Variants in BICC1 observed in about 807,000 individuals in gnomAD.
BICC1 encodes BicC family RNA binding protein 1, also known as protein bicaudal C homolog 1.
BICC1 carries 43 observed loss-of-function variants against 111.0 expected under a neutral mutation model. The observed-to-expected ratio is 0.39, with a 90% CI of 0.30 to 0.50. BICC1 has a LOEUF of 0.50. Ranked by LOEUF, BICC1 falls within the 20% of genes least tolerant of loss-of-function variation. The pLI is 0.88. For synonymous variants in BICC1, 467 were observed against 434.4 expected (o/e 1.07, Z -0.93); for missense variants, 1,091 against 1,203.2 (o/e 0.91, Z 1.38).
chr10:58,668,403 A>G (rs1335896527), intron 2 of BICC1, among the ~76,000 whole-genome samples: 2 of 152,008 alleles, frequency 1.3e-5, no homozygotes, highest in Non-Finnish European at 2.9e-5. Flanking sequence ...TTTTTTCCAG[A>G]TGAATTCACA....
chr10:58,803,512 T>A (rs1843618189), intron 15 of BICC1, among the ~76,000 whole-genome samples: 1 of 152,188 alleles, frequency 6.6e-6, no homozygotes, highest in Non-Finnish European at 1.5e-5. Flanking sequence ...ACATTATTCA[T>A]GTGTTACTTA....
intron 3 of BICC1, among the ~76,000 whole-genome samples, chr10:58,748,500 C>A (rs1026190308): frequency 6.6e-6 from 1 of 151,974 alleles, no homozygotes; most frequent in Non-Finnish European, 1.5e-5. Context: ...TCAAACCAGT[C>A]ATTGTTTCTC....
chr10:58,564,660 G>C (rs1447193687), intron 1 of BICC1, among the ~76,000 whole-genome samples: 1 of 152,104 alleles, frequency 6.6e-6, no homozygotes, highest in East Asian at 1.9e-4. Context: ...GGAATCACTG[G>C]CCTTTCAATT....
chr10:58,757,318 C>T (rs1476154937), intron 3 of BICC1, among the ~76,000 whole-genome samples: 4 of 152,090 alleles, frequency 2.6e-5, no homozygotes, highest in Admixed American at 1.3e-4. Flanking sequence ...TCTATGAAAT[C>T]GTAACACATT....
At chr10:58,604,603 G>A (rs10740734) in intron 1 of BICC1, among the ~76,000 whole-genome samples, 70,989 of 151,978 alleles carry the variant, frequency 0.47, 17,563 homozygotes, top group Admixed American at 0.63. Flanking sequence ...AGAGCTTGCA[G>A]TGAGCTGAGA....
chr10:58,578,279 C>T (rs555648009), intron 1 of BICC1, among the ~76,000 whole-genome samples: 32 of 152,036 alleles, frequency 2.1e-4, no homozygotes, highest in East Asian at 5.8e-4. Context: ...AGAGTATTTC[C>T]GAGTTGTTAT....
chr10:58,706,391 T>G (rs1840388236), intron 3 of BICC1, among the ~76,000 whole-genome samples: 1 of 152,228 alleles, frequency 6.6e-6, no homozygotes, highest in African/African-American at 2.4e-5. Flanking sequence ...ACTGGTATAT[T>G]GTGCTGTGAG....
At chr10:58,748,649 C>T (rs916569781) in intron 3 of BICC1, among the ~76,000 whole-genome samples, 9 of 152,092 alleles carry the variant, frequency 5.9e-5, no homozygotes, top group South Asian at 2.1e-4. Flanking sequence ...TTAGTCTCTT[C>T]GGGCTGAGTG....
chr10:58,789,237 T>A (rs1313459709), intron 6 of BICC1, 25 bp from the exon 7 acceptor site: 5 of 1,596,422 alleles, frequency 3.1e-6, no homozygotes, highest in Non-Finnish European at 4.3e-6. Flanking sequence ...ACTCTCTGCT[T>A]TGGATTCTCA....
chr10:58,728,540 C>T (rs1471369407), intron 3 of BICC1, among the ~76,000 whole-genome samples: 1 of 152,132 alleles, frequency 6.6e-6, no homozygotes, highest in Non-Finnish European at 1.5e-5. Context: ...GAGTTGAAAT[C>T]AACTTCTTCC....
At chr10:58,592,588 G>A (rs528015629) in intron 1 of BICC1, among the ~76,000 whole-genome samples, 3 of 151,892 alleles carry the variant, frequency 2.0e-5, no homozygotes, top group Non-Finnish European at 2.9e-5. Context: ...GGTGGCGGGT[G>A]CCTGTAGTCC....
At chr10:58,816,033 A>G (rs1844076309) in intron 18 of BICC1, among the ~76,000 whole-genome samples, 1 of 152,238 alleles carries the variant, frequency 6.6e-6, no homozygotes, top group African/African-American at 2.4e-5. Context: ...ACCCTTGTCA[A>G]GGTCACCAAT....
intron 1 of BICC1, among the ~76,000 whole-genome samples, chr10:58,579,893 A>G (rs1474854403): frequency 6.6e-6 from 1 of 152,184 alleles, no homozygotes; most frequent in African/African-American, 2.4e-5. Flanking sequence ...AATAGAATAT[A>G]TACTCTAGCT....
chr10:58,660,722 A>T (rs916034483), intron 2 of BICC1, among the ~76,000 whole-genome samples: 2 of 152,058 alleles, frequency 1.3e-5, no homozygotes, highest in African/African-American at 2.4e-5. Context: ...TACCAGTCTC[A>T]TAGGACTGAT....
intron 2 of BICC1, among the ~76,000 whole-genome samples, chr10:58,649,037 A>G (rs1838360019): frequency 6.6e-6 from 1 of 152,176 alleles, no homozygotes; most frequent in African/African-American, 2.4e-5. Context: ...AAACCACCCT[A>G]CTACCCTGAA....
chr10:58,738,409 A>G (rs991903457), intron 3 of BICC1, among the ~76,000 whole-genome samples: 11 of 151,780 alleles, frequency 7.2e-5, no homozygotes, highest in Admixed American at 7.2e-4. Context: ...GATATGCGGC[A>G]TTGTTTCTGA....
At chr10:58,756,561 G>A (rs970311065) in intron 3 of BICC1, among the ~76,000 whole-genome samples, 3 of 149,508 alleles carry the variant, frequency 2.0e-5, no homozygotes, top group African/African-American at 7.5e-5. Flanking sequence ...CACCCTAAGG[G>A]TTTTCCATGG....
chr10:58,793,097 A>G (rs1364628033), intron 8 of BICC1, among the ~76,000 whole-genome samples: 1 of 152,214 alleles, frequency 6.6e-6, no homozygotes, highest in African/African-American at 2.4e-5. Context: ...TCAAAATACA[A>G]TCAAAAGCTG....
rs755129194 is a variant in BICC1, at chr10:58,799,269, A to G, written c.1725+17A>G. The G allele has an allele frequency of 6.4e-7, 1 of 1,565,444 alleles. No homozygotes were observed. The highest frequency in any genetic ancestry group is 1.2e-5 in the South Asian group (1 of 85,750). On this transcript the variant is annotated intron_variant, in intron 12 of 20. Transcript: ENST00000373886. The stretch of plus-strand genomic sequence containing the variant: ...CATGCACAGGTAATGGCCTTCTGCC[A>G]GAATGTGTGTGTGATCTGTACTGTT...
Sources: gnomAD v4.1 joint callset for allele counts (sites outside exome capture counted in the v4.1 genomes callset) on GRCh38, gnomAD v4.1.1 for gene constraint, MANE v1.5 for transcripts, NCBI Gene and HGNC (gene_info 2026-07-23, HGNC 2026-07-21) for gene names.